ERG: variants seen among roughly 807,000 people sequenced by gnomAD.
ERG encodes transcriptional regulator ERG.
A neutral mutation model predicts 55.3 loss-of-function variants in ERG; 9 were observed. The observed-to-expected ratio is 0.16, with a 90% CI of 0.10 to 0.28. The LOEUF (loss-of-function observed/expected upper bound fraction) is 0.28. Among genes scored for constraint, ERG ranks in the 10% least tolerant of loss-of-function variants. ERG has a pLI of 1.00. For synonymous variants in ERG, 223 were observed against 237.3 expected (o/e 0.94, Z 0.55); for missense variants, 434 against 631.6 (o/e 0.69, Z 3.35).
intron 3 of ERG, among the ~76,000 whole-genome samples, chr21:38,422,585 G>A (rs528050036): frequency 6.6e-6 from 1 of 152,314 alleles, no homozygotes; most frequent in South Asian, 2.1e-4. Context: ...GACTGTTGCT[G>A]TTGTTCTTAT....
chr21:38,565,386 C>T (rs1400350962), intron 2 of ERG, among the ~76,000 whole-genome samples: 1 of 152,204 alleles, frequency 6.6e-6, no homozygotes, highest in African/African-American at 2.4e-5. Context: ...CTGCTATGAA[C>T]CTTCCAATGG....
intron 2 of ERG, among the ~76,000 whole-genome samples, chr21:38,506,398 C>T (rs952721477): frequency 1.3e-5 from 2 of 152,124 alleles, no homozygotes; most frequent in African/African-American, 2.4e-5. Flanking sequence ...ATGGATTATA[C>T]TGTAATATAT....
chr21:38,434,682 C>T (rs1341677361), intron 2 of ERG, among the ~76,000 whole-genome samples: 1 of 152,186 alleles, frequency 6.6e-6, no homozygotes, highest in African/African-American at 2.4e-5. Context: ...CCTAACCTTT[C>T]GAGGCTCAAC....
intron 9 of ERG, among the ~76,000 whole-genome samples, chr21:38,384,185 G>A (rs987655558): frequency 6.6e-6 from 1 of 152,184 alleles, no homozygotes; most frequent in Non-Finnish European, 1.5e-5. Context: ...ACTGAACGGG[G>A]TACCACGGGC....
intron 2 of ERG, among the ~76,000 whole-genome samples, chr21:38,513,129 C>A (rs75647369): frequency 1.2e-4 from 16 of 137,006 alleles, no homozygotes; most frequent in South Asian, 2.3e-4. Flanking sequence ...GACTCCGTCT[C>A]AAAAAAAAAA....
At chr21:38,649,305 G>T (rs540636862) in intron 1 of ERG, among the ~76,000 whole-genome samples, 1 of 152,154 alleles carries the variant, frequency 6.6e-6, no homozygotes, top group East Asian at 1.9e-4. Context: ...AGCTGATGAC[G>T]TAGCGTTTCT....
Position 38,573,556 on chromosome 21 carries a change from T to C in ERG, c.-41+2106A>G, listed in dbSNP as rs549957507. Among the ~76,000 whole-genome samples the C allele has an allele frequency of 3.7e-3, 570 of 152,332 alleles. 2 individuals are homozygous for C. The highest frequency in any genetic ancestry group is 5.4e-3 in the Non-Finnish European group (369 of 68,028). ...TGGAGAGAAACATACATCTGGCCTA[T>C]GTGCACATCCAGGCATAGTACCTTC... is the stretch of plus-strand genomic sequence containing the variant. On this transcript the variant is annotated intron_variant, in intron 2 of 8. Coordinates refer to the ERG transcript ENST00000398897.
upstream of ERG, chr21:38,498,580 G>A (rs957610483): frequency 3.7e-6 from 4 of 1,073,560 alleles, no homozygotes; most frequent in Admixed American, 1.3e-4. The surrounding 1 kb of genome is among the most constrained non-coding windows in gnomAD (Gnocchi z 4.6). Flanking sequence ...TGGGAGTGGA[G>A]AGATAAGAGA....
intron 1 of ERG, among the ~76,000 whole-genome samples, chr21:38,449,900 A>G (rs2058925168): frequency 6.6e-6 from 1 of 152,210 alleles, no homozygotes; most frequent in Admixed American, 6.5e-5. Flanking sequence ...ATCTGGAGTA[A>G]GCAAAGGCAT....
intron 1 of ERG, among the ~76,000 whole-genome samples, chr21:38,610,549 G>A (rs1399619597): frequency 1.3e-5 from 2 of 149,204 alleles, no homozygotes; most frequent in Non-Finnish European, 3.0e-5. Flanking sequence ...GTGTGTGTGT[G>A]TTTAGCAAGA....
chr21:38,381,784 C>T lies in ERG; in HGVS notation c.*1619G>A. 5 of 1,063,584 alleles carry T rather than the reference C, an allele frequency of 4.7e-6. No homozygotes were observed. Among genetic ancestry groups the T allele is most frequent in the Non-Finnish European group, 5.7e-6 (5 of 878,288 alleles). The allele number at this position is 1,063,584 out of a possible 1,614,324, so 65.9% of individuals were successfully genotyped here. ...CATTCCAGGCATAAATATGGAGGCT[C>T]CAATGTGAAACCCGGGGTCCTTCTG... is the stretch of plus-strand genomic sequence containing the variant. On this transcript the variant is annotated 3_prime_UTR_variant, in exon 10 of 10. Transcript: ENST00000288319.
In ERG at chr21:38,382,843, C is replaced by T. The variant is rs190394016; in HGVS notation, c.*560G>A. 4.1e-5 allele frequency: 44 copies of T among 1,066,060 alleles called. No homozygotes were observed. Among genetic ancestry groups the T allele is most frequent in the East Asian group, 3.0e-4 (6 of 20,120 alleles). 66.0% of individuals were successfully genotyped at this position (1,066,060 alleles called of 1,614,324 possible). ...AGAAAGCTGACAGCTGTCCATCAAA[C>T]GGAATGTATTTGATTTCAACCAAAA... is the stretch of plus-strand genomic sequence containing the variant. On this transcript the variant is annotated 3_prime_UTR_variant, in exon 10 of 10. Transcript: ENST00000288319.
At chr21:38,412,903 C>T (rs890474609) in intron 3 of ERG, among the ~76,000 whole-genome samples, 1 of 152,116 alleles carries the variant, frequency 6.6e-6, no homozygotes, top group African/African-American at 2.4e-5. Flanking sequence ...GAAGACATGT[C>T]TCTCCATGAA....
At chr21:38,482,611 C>T (rs1052499526) in intron 1 of ERG, among the ~76,000 whole-genome samples, 9 of 151,918 alleles carry the variant, frequency 5.9e-5, no homozygotes, top group Non-Finnish European at 8.8e-5. Context: ...ATGAAAGGAA[C>T]CAAAGTGTCC....
intron 1 of ERG, among the ~76,000 whole-genome samples, chr21:38,577,517 G>A (rs930523336): frequency 1.3e-5 from 2 of 152,120 alleles, no homozygotes; most frequent in Non-Finnish European, 2.9e-5. Flanking sequence ...GGAGTGAAGT[G>A]CAGTCCTGAA....
chr21:38,611,782 C>T (rs890447023), intron 1 of ERG, among the ~76,000 whole-genome samples: 2 of 152,160 alleles, frequency 1.3e-5, no homozygotes, highest in African/African-American at 4.8e-5. Flanking sequence ...CTCCCCGCTG[C>T]ATCCTCGGCA....
rs1422526912 is a variant in ERG, at chr21:38,478,778, C to T, written c.18+19585G>A. 4.6e-5 allele frequency among the ~76,000 whole-genome samples: 7 copies of T among 152,052 alleles called. No homozygotes were observed. In the East Asian group the frequency reaches 7.7e-4, roughly 17 times the overall value. On this transcript the variant is annotated intron_variant, in intron 1 of 9. Transcript: ENST00000288319. ...TGACAATAATATTAGTATAGGATGC[C>T]GTTTTATGAGTTCAGTCTTAGGACT...
chr21:38,461,778 T>TTTTTA (rs1179101110), intron 1 of ERG, among the ~76,000 whole-genome samples: 13 of 152,354 alleles, frequency 8.5e-5, no homozygotes, highest in Non-Finnish European at 1.3e-4. Flanking sequence ...AATATCTCAT[T>TTTTTA]TGTGTTAACA....
chr21:38,601,007 G>A (rs1029976798), intron 1 of ERG, among the ~76,000 whole-genome samples: 1 of 152,096 alleles, frequency 6.6e-6, no homozygotes, highest in African/African-American at 2.4e-5. Context: ...TTCTCTCTGG[G>A]CATTACAATC....
Sources: allele counts gnomAD v4.1 joint callset (sites outside exome capture counted in the v4.1 genomes callset), GRCh38; gene constraint gnomAD v4.1.1; non-coding constraint Gnocchi (gnomAD v3.1); transcripts MANE v1.5; gene names NCBI Gene and HGNC (gene_info 2026-07-23, HGNC 2026-07-21).